Variants in OPCML observed in about 807,000 individuals in gnomAD.
OPCML encodes opioid binding protein/cell adhesion molecule like.
A neutral mutation model predicts 37.8 loss-of-function variants in OPCML; 13 were observed. That is an observed-to-expected ratio of 0.34 (90% CI 0.22 to 0.55). OPCML has a LOEUF of 0.55. OPCML is among the 20% of genes least tolerant of loss of function. The pLI is 0.91. For synonymous variants in OPCML, 176 were observed against 168.8 expected (o/e 1.04, Z -0.33); for missense variants, 341 against 435.6 (o/e 0.78, Z 1.93).
Position 133,140,552 on chromosome 11 carries a change from G to T in OPCML, c.62-197542C>A, listed in dbSNP as rs1171280655. 3.2e-3 allele frequency among the ~76,000 whole-genome samples: 412 copies of T among 126,928 alleles called. 3 individuals are homozygous for T. Among genetic ancestry groups the T allele is most frequent in the African/African-American group, 0.01 (313 of 30,000 alleles). The allele number at this position is 126,928 out of a possible 152,430, so 83.3% of individuals were successfully genotyped here. A position where few individuals can be genotyped will look rare whatever the true frequency, so the allele number is the denominator to read the frequency against. Reference sequence around the variant, plus strand: ...ATAATAAGAAGAAGAAGAAGAAGAAGAAGAAGAAGAAGAAGAAGAAGAAGA... The same window carrying T: ...ATAATAAGAAGAAGAAGAAGAAGAATAAGAAGAAGAAGAAGAAGAAGAAGA... On this transcript the variant is annotated intron_variant, in intron 1 of 7. Transcript: ENST00000524381.
chr11:132,711,683 G>A (rs1194428256), intron 2 of OPCML, among the ~76,000 whole-genome samples: 1 of 152,102 alleles, frequency 6.6e-6, no homozygotes, highest in Non-Finnish European at 1.5e-5. Context: ...GTGTGTGTAT[G>A]ATATTTTAGT....
chr11:132,616,768 C>T (rs1939054235), intron 3 of OPCML, among the ~76,000 whole-genome samples: 1 of 152,170 alleles, frequency 6.6e-6, no homozygotes, highest in Non-Finnish European at 1.5e-5. Context: ...CTTTGCTACA[C>T]ACAGAAGATA....
intron 1 of OPCML, among the ~76,000 whole-genome samples, chr11:132,970,032 C>T (rs1946305265): frequency 6.6e-6 from 1 of 151,968 alleles, no homozygotes; most frequent in African/African-American, 2.4e-5. Context: ...TAACACATTT[C>T]AGCAACTCCG....
intron 1 of OPCML, among the ~76,000 whole-genome samples, chr11:133,434,854 CAATAT>C (rs1173601107): frequency 1.4e-5 from 2 of 138,920 alleles, no homozygotes; most frequent in African/African-American, 5.3e-5. Context: ...AATATATATT[CAATAT>C]AATATATATT....
At chr11:133,519,658 G>A (rs1948359626) in intron 1 of OPCML, among the ~76,000 whole-genome samples, 3 of 152,190 alleles carry the variant, frequency 2.0e-5, no homozygotes, top group South Asian at 4.1e-4. Flanking sequence ...TTCAGCCACA[G>A]CATAAAATAT....
chr11:133,109,547 C>T (rs1286978622), intron 1 of OPCML, among the ~76,000 whole-genome samples: 1 of 152,134 alleles, frequency 6.6e-6, no homozygotes, highest in Non-Finnish European at 1.5e-5. Context: ...TTGCTAGCTA[C>T]TGAGCGCTGA....
chr11:133,191,834 T>C (rs533072710), intron 1 of OPCML, among the ~76,000 whole-genome samples: 2 of 152,268 alleles, frequency 1.3e-5, no homozygotes, highest in East Asian at 3.9e-4. Flanking sequence ...CAGATGCCCA[T>C]TAAAACTTCC....
At chr11:132,852,073 A>T (rs535186194) in intron 2 of OPCML, among the ~76,000 whole-genome samples, 1 of 152,328 alleles carries the variant, frequency 6.6e-6, no homozygotes, top group East Asian at 1.9e-4. Context: ...GGGGAAATAA[A>T]CATTCTTACC....
intron 1 of OPCML, among the ~76,000 whole-genome samples, chr11:132,952,779 C>T (rs73026220): frequency 0.12 from 18,101 of 152,148 alleles, 1,430 homozygotes; most frequent in Non-Finnish European, 0.18. Context: ...TGGCTGTGAG[C>T]GCGGTGATGC....
In OPCML at chr11:132,420,128, G is replaced by A. The variant is rs373554244; in HGVS notation, c.*65C>T. 3.3e-5 allele frequency: 46 copies of A among 1,388,190 alleles called. No homozygotes were observed. The highest frequency in any genetic ancestry group is 8.8e-5 in the Admixed American group (5 of 56,528). The allele number at this position is 1,388,190 out of a possible 1,614,324, so 86.0% of individuals were successfully genotyped here. A position where few individuals can be genotyped will look rare whatever the true frequency, so the allele number is the denominator to read the frequency against. On this transcript the variant is annotated 3_prime_UTR_variant, in exon 8 of 8. Coordinates refer to ENST00000524381, the MANE Select transcript of OPCML (RefSeq NM_001012393.5). ...AGAAGCCCAAGCTGGTTTGCTCTCC[G>A]CAGTGTAGATTAAAGTCTGTGATAT...
chr11:133,499,840 G>A (rs1318297121), intron 1 of OPCML, among the ~76,000 whole-genome samples: 1 of 132,104 alleles, frequency 7.6e-6, no homozygotes, highest in African/African-American at 3.0e-5. Context: ...ATATGTGTAT[G>A]TATATATATA....
chr11:132,670,099 C>A (rs1253141439), intron 2 of OPCML, among the ~76,000 whole-genome samples: 3 of 152,118 alleles, frequency 2.0e-5, no homozygotes, highest in African/African-American at 7.2e-5. Flanking sequence ...TAAAATGTTT[C>A]CCAAGCACAC....
intron 3 of OPCML, among the ~76,000 whole-genome samples, chr11:132,630,419 G>T (rs553690767): frequency 6.6e-6 from 1 of 152,130 alleles, no homozygotes; most frequent in Non-Finnish European, 1.5e-5. Context: ...TTAGCTGGGC[G>T]TGGTGGCACG....
At chr11:133,358,452 G>A (rs2136709682) in intron 1 of OPCML, among the ~76,000 whole-genome samples, 1 of 152,288 alleles carries the variant, frequency 6.6e-6, no homozygotes, top group Admixed American at 6.5e-5. Context: ...TGTGCTATTG[G>A]ACAAGCCAAT....
chr11:133,078,766 C>G (rs1279895303), intron 1 of OPCML, among the ~76,000 whole-genome samples: 3 of 152,130 alleles, frequency 2.0e-5, no homozygotes, highest in Admixed American at 2.0e-4. Flanking sequence ...AGAGGGCGCT[C>G]CGTGCCCGTG....
At chr11:133,263,498 G>A (rs1406850203) in intron 1 of OPCML, among the ~76,000 whole-genome samples, 3 of 152,158 alleles carry the variant, frequency 2.0e-5, no homozygotes, top group Admixed American at 6.5e-5. Flanking sequence ...GCCTAGGTGT[G>A]TAGTAGGCTG....
chr11:132,942,993 C>T lies in OPCML; in HGVS notation c.79G>A (p.Gly27Arg), dbSNP rs1226079045. 1.2e-6 allele frequency: 2 copies of T among 1,614,046 alleles called. No homozygotes were observed. The highest frequency in any genetic ancestry group is 1.3e-5 in the African/African-American group (1 of 74,918). Reference sequence around the variant, plus strand: ...ATAGCTTTGGGGAAGGTGGCATCTCCGCTGCGCACGGGCACTCCTGTGGGT... The same window carrying T: ...ATAGCTTTGGGGAAGGTGGCATCTCTGCTGCGCACGGGCACTCCTGTGGGT... Reference protein sequence around the residue: ...LFIPGVPVRSGDATFPKAMDN... With the variant: ...LFIPGVPVRSRDATFPKAMDN... The change falls in exon 2 of 8, where the codon GGA (glycine) becomes AGA (arginine). Residue 27 changes from glycine (G) to arginine (R), a missense_variant. Gly to Arg is a moderately radical substitution (Grantham distance 125, BLOSUM62 -2). Transcript: ENST00000524381.
chr11:133,383,747 T>C (rs1387804511), intron 1 of OPCML, among the ~76,000 whole-genome samples: 1 of 152,048 alleles, frequency 6.6e-6, no homozygotes, highest in Non-Finnish European at 1.5e-5. Context: ...CTTAATAAGA[T>C]TGGAATCAGC....
chr11:133,232,196 A>G (rs1362282231), intron 1 of OPCML, among the ~76,000 whole-genome samples: 1 of 152,106 alleles, frequency 6.6e-6, no homozygotes, highest in African/African-American at 2.4e-5. Flanking sequence ...GATGTCCTTC[A>G]GCAAGAGTGA....
Sources: allele counts gnomAD v4.1 joint callset (sites outside exome capture counted in the v4.1 genomes callset), GRCh38; gene constraint gnomAD v4.1.1; transcripts MANE v1.5; gene names NCBI Gene and HGNC (gene_info 2026-07-23, HGNC 2026-07-21).